Variants in PRDM5 observed in about 807,000 individuals in gnomAD.
The protein encoded by PRDM5 is PR/SET domain 5, also known as PR domain zinc finger protein 5.
PRDM5 carries 56 observed loss-of-function variants against 81.2 expected under a neutral mutation model. The observed-to-expected ratio is 0.69, with a 90% CI of 0.56 to 0.86. The LOEUF (loss-of-function observed/expected upper bound fraction) is 0.86, where lower values mean the gene tolerates loss of function less well. Ranked by LOEUF, PRDM5 falls within the 40% of genes least tolerant of loss-of-function variation. PRDM5 has a pLI of 0.00. For synonymous variants in PRDM5, 267 were observed against 256.4 expected, an observed-to-expected ratio of 1.04 and a Z score of -0.39; for missense variants, 697 against 770.1, an observed-to-expected ratio of 0.91 and a Z score of 1.12.
At chr4:120,851,447 T>C (rs1228969363) in intron 3 of PRDM5, among the ~76,000 whole-genome samples, 1 of 148,394 alleles carries the variant, frequency 6.7e-6, no homozygotes, top group Non-Finnish European at 1.5e-5. Flanking sequence ...TGGAAAAAAA[T>C]AATGTCTACA....
Position 120,799,704 on chromosome 4 carries a change from A to G in PRDM5, c.987T>C (p.Phe329=), listed in dbSNP as rs779830445. The change falls in exon 9 of 16, where the codon TTT becomes TTC. Residue 329 remains phenylalanine, a synonymous_variant. Transcript: ENST00000264808. ...IFDCQECMKK[F]ISANQLKRHM... ...GACGTTTTAGCTGATTAGCTGAAATAAATTTCTTCATACATTCTTGACAAT... is the reference window on the plus strand; with the variant it reads ...GACGTTTTAGCTGATTAGCTGAAATGAATTTCTTCATACATTCTTGACAAT... 3 of 1,612,996 alleles carry G rather than the reference A, an allele frequency of 1.9e-6. No homozygotes were observed. The highest frequency in any genetic ancestry group is 2.5e-6 in the Non-Finnish European group (3 of 1,179,702).
chr4:120,922,170 C>G (rs1725024070), intron 1 of PRDM5, among the ~76,000 whole-genome samples: 1 of 152,352 alleles, frequency 6.6e-6, no homozygotes, highest in East Asian at 1.9e-4. Context: ...AGCTCACACC[C>G]GTAACCGAGG....
intron 2 of PRDM5, among the ~76,000 whole-genome samples, chr4:120,884,861 C>T (rs1763229733): frequency 6.6e-6 from 1 of 151,872 alleles, no homozygotes; most frequent in African/African-American, 2.4e-5. Context: ...TTCCCTTTCC[C>T]AGTTCAAAAA....
intron 14 of PRDM5, among the ~76,000 whole-genome samples, chr4:120,734,421 T>TACACACAC (rs149559268): frequency 6.5e-4 from 90 of 138,176 alleles, no homozygotes; most frequent in African/African-American, 1.7e-3. Flanking sequence ...CACACACAAA[T>TACACACAC]ACACACACAC....
chr4:120,805,185 G>A (rs1752731314), intron 8 of PRDM5, among the ~76,000 whole-genome samples: 2 of 152,078 alleles, frequency 1.3e-5, no homozygotes, highest in Admixed American at 6.6e-5. Flanking sequence ...CCAATAACAG[G>A]CTCTGAAATT....
chr4:120,845,985 GA>G (rs572548353), intron 3 of PRDM5, among the ~76,000 whole-genome samples: 31 of 152,272 alleles, frequency 2.0e-4, no homozygotes, highest in African/African-American at 7.0e-4. Flanking sequence ...AAACTAACTA[GA>G]CTTAGAAGTG....
At chr4:120,836,914 AT>A (rs928226169) in intron 3 of PRDM5, among the ~76,000 whole-genome samples, 2 of 152,214 alleles carry the variant, frequency 1.3e-5, no homozygotes, top group African/African-American at 4.8e-5. Flanking sequence ...CACAATGACT[AT>A]TTTTATCATT....
At chr4:120,915,201 A>G (rs957393307) in intron 1 of PRDM5, among the ~76,000 whole-genome samples, 1 of 152,208 alleles carries the variant, frequency 6.6e-6, no homozygotes, top group Non-Finnish European at 1.5e-5. Flanking sequence ...GAGTATCACT[A>G]CTATCCTAAC....
intron 1 of PRDM5, among the ~76,000 whole-genome samples, chr4:120,908,180 G>A (rs1302916242): frequency 6.6e-6 from 1 of 152,204 alleles, no homozygotes; most frequent in African/African-American, 2.4e-5. Flanking sequence ...TCAGAATCTG[G>A]AAATGGGCTG....
rs946150253 is a variant in PRDM5, at chr4:120,737,898, G to A, written c.1623+16655C>T. Among the ~76,000 whole-genome samples, 5 of 151,926 alleles carry A rather than the reference G, an allele frequency of 3.3e-5. No individual in the cohort carries two copies. The South Asian group carries it at 8.3e-4, about 25-fold the overall frequency. Reference sequence around the variant, plus strand: ...GTTAATTTGGTAAATTTAATAATTCGCTTCTGACATAATTTCACTTCATTC... The same window carrying A: ...GTTAATTTGGTAAATTTAATAATTCACTTCTGACATAATTTCACTTCATTC... On this transcript the variant is annotated intron_variant, in intron 14 of 15. Coordinates refer to ENST00000264808, the MANE Select transcript of PRDM5 (RefSeq NM_018699.4).
At chr4:120,831,853 T>A (rs1756757808) in intron 3 of PRDM5, among the ~76,000 whole-genome samples, 1 of 152,114 alleles carries the variant, frequency 6.6e-6, no homozygotes, top group Admixed American at 6.5e-5. Flanking sequence ...GTTTGAAGTA[T>A]CAAGTCTATG....
chr4:120,774,087 C>CCA (rs1010274374), intron 13 of PRDM5, among the ~76,000 whole-genome samples: 2 of 151,708 alleles, frequency 1.3e-5, no homozygotes, highest in African/African-American at 4.8e-5. Flanking sequence ...TAGATATAAC[C>CCA]CACATAAATA....
intron 14 of PRDM5, among the ~76,000 whole-genome samples, chr4:120,753,599 T>C (rs1008453069): frequency 6.6e-6 from 1 of 152,140 alleles, no homozygotes; most frequent in Non-Finnish European, 1.5e-5. Context: ...TATTATTATG[T>C]GTTTTCTCTA....
At chr4:120,894,912 G>A (rs549841470) in intron 2 of PRDM5, among the ~76,000 whole-genome samples, 1 of 152,284 alleles carries the variant, frequency 6.6e-6, no homozygotes, top group East Asian at 1.9e-4. Context: ...CCCACTTAAA[G>A]CCATTATCAT....
intron 15 of PRDM5, among the ~76,000 whole-genome samples, chr4:120,699,881 T>C (rs1735103865): frequency 6.6e-6 from 1 of 151,350 alleles, no homozygotes; most frequent in Non-Finnish European, 1.5e-5. Context: ...CTATCAAATA[T>C]CAAACAACCA....
In PRDM5 at chr4:120,695,072, G is replaced by C. The variant is rs372073196; in HGVS notation, c.*39C>G. The C allele has an allele frequency of 2.3e-5, 37 of 1,592,430 alleles. No individual in the cohort carries two copies. In the African/African-American group the frequency reaches 2.8e-4, roughly 12 times the overall value. On this transcript the variant is annotated 3_prime_UTR_variant, in exon 16 of 16. Transcript: ENST00000264808. ...TGATAAAAATCTGGGATTCATATTA[G>C]GAGCCCTTCTGAATAGTTTAATTCC...
intron 2 of PRDM5, among the ~76,000 whole-genome samples, chr4:120,855,544 T>C (rs760450791): frequency 6.6e-6 from 1 of 152,156 alleles, no homozygotes; most frequent in Non-Finnish European, 1.5e-5. Flanking sequence ...ACTGATATGG[T>C]AAAGAGAATG....
At chr4:120,787,096 T>C (rs1411334352) in intron 10 of PRDM5, among the ~76,000 whole-genome samples, 1 of 151,998 alleles carries the variant, frequency 6.6e-6, no homozygotes, top group East Asian at 1.9e-4. Context: ...TGGAGAAAAA[T>C]AAAGCAAGAA....
At chr4:120,890,814 G>C (rs1049516884) in intron 2 of PRDM5, among the ~76,000 whole-genome samples, 24 of 152,150 alleles carry the variant, frequency 1.6e-4, no homozygotes, top group African/African-American at 5.8e-4. Flanking sequence ...CCTTTAAATG[G>C]GGTTGTTTGG....
Sources: gnomAD v4.1 joint callset for allele counts (sites outside exome capture counted in the v4.1 genomes callset) on GRCh38, gnomAD v4.1.1 for gene constraint, MANE v1.5 for transcripts, NCBI Gene and HGNC (gene_info 2026-07-23, HGNC 2026-07-21) for gene names.